RNF150: variants seen among roughly 807,000 people sequenced by gnomAD.
The protein encoded by RNF150 is ring finger protein 150.
A neutral mutation model predicts 39.3 loss-of-function variants in RNF150; 24 were observed. That is an observed-to-expected ratio of 0.61 (90% CI 0.44 to 0.86). The LOEUF is 0.86. RNF150 is among the 40% of genes least tolerant of loss of function. The probability of loss-of-function intolerance (pLI) is 0.00; values close to 1 mark genes in which losing one functional copy is unlikely to be tolerated. For synonymous variants in RNF150, 255 were observed against 227.3 expected, an observed-to-expected ratio of 1.12 and a Z score of -1.10; for missense variants, 502 against 587.8, an observed-to-expected ratio of 0.85 and a Z score of 1.51.
intron 1 of RNF150, among the ~76,000 whole-genome samples, chr4:141,062,234 CTTCT>C (rs895435392): frequency 7.9e-5 from 12 of 152,044 alleles, no homozygotes; most frequent in Admixed American, 2.0e-4. Context: ...ATTACTCTTC[CTTCT>C]GAGTCTTTGC....
intron 1 of RNF150, among the ~76,000 whole-genome samples, chr4:141,017,923 TC>T (rs1280408303): frequency 6.6e-6 from 1 of 152,176 alleles, no homozygotes; most frequent in African/African-American, 2.4e-5. Flanking sequence ...CATGGTTGCC[TC>T]CAAGTTTTGG....
rs1469407418 is a variant in RNF150 at position 140,863,118 on chromosome 4, C to G, written c.*5143G>C. The stretch of plus-strand genomic sequence containing the variant: ...TGGCCCTCAGATCACTTACGATGAG[C>G]AAGCACTTGTGCTAAGTAGTTAGGA... On this transcript the variant is annotated 3_prime_UTR_variant, in exon 7 of 7. Coordinates refer to ENST00000515673, the MANE Select transcript of RNF150 (RefSeq NM_020724.2). 1 of 152,182 alleles carries G rather than the reference C, an allele frequency of 6.6e-6. No individual in the cohort carries two copies. Among genetic ancestry groups the G allele is most frequent in the Non-Finnish European group, 1.5e-5 (1 of 68,050 alleles). 9.4% of individuals were successfully genotyped at this position (152,182 alleles called of 1,614,324 possible). A position where few individuals can be genotyped will look rare whatever the true frequency, so the allele number is the denominator to read the frequency against.
chr4:140,993,249 G>A (rs1414005432), intron 1 of RNF150, among the ~76,000 whole-genome samples: 2 of 152,112 alleles, frequency 1.3e-5, no homozygotes, highest in Non-Finnish European at 2.9e-5. Context: ...TGGCTTTTCC[G>A]GCTTCTAGAA....
At chr4:141,071,006 G>T (rs1209876095) in intron 1 of RNF150, among the ~76,000 whole-genome samples, 1 of 127,542 alleles carries the variant, frequency 7.8e-6, no homozygotes, top group Non-Finnish European at 1.7e-5. Flanking sequence ...TGATAGACTG[G>T]ATTAAGAAAA....
chr4:141,186,245 C>T (rs554529977), intron 1 of RNF150, among the ~76,000 whole-genome samples: 9 of 152,142 alleles, frequency 5.9e-5, no homozygotes, highest in Non-Finnish European at 1.2e-4. Context: ...CGACTTCTTC[C>T]TGGTTAATCT....
intron 1 of RNF150, among the ~76,000 whole-genome samples, chr4:141,091,994 T>A (rs2111010220): frequency 6.6e-6 from 1 of 152,248 alleles, no homozygotes; most frequent in East Asian, 1.9e-4. Context: ...TCTCAGTAGG[T>A]ATACTAAGCT....
rs1449091991 is a variant in RNF150, at chr4:140,935,313, T to C, written c.891-9240A>G. ...GAGGAATTGCAGGACCCTCATTTTA[T>C]AGTGTGTCTCACTCCTTGGGTTTCT... On this transcript the variant is annotated intron_variant, in intron 4 of 6. Transcript: ENST00000515673. Among the ~76,000 whole-genome samples, 7 of 151,992 alleles carry C rather than the reference T, an allele frequency of 4.6e-5. No individual in the cohort carries two copies. The East Asian group carries it at 9.7e-4, about 21-fold the overall frequency.
intron 1 of RNF150, among the ~76,000 whole-genome samples, chr4:141,144,291 A>G (rs749798929): frequency 9.2e-5 from 14 of 152,228 alleles, no homozygotes; most frequent in Non-Finnish European, 1.8e-4. Context: ...AACAGTCATT[A>G]TTCCAAAAAT....
intron 1 of RNF150, among the ~76,000 whole-genome samples, chr4:141,104,882 T>C (rs1421879204): frequency 6.6e-6 from 1 of 152,158 alleles, no homozygotes; most frequent in Non-Finnish European, 1.5e-5. Flanking sequence ...AACTCCCTCA[T>C]GGTGATGAGG....
intron 4 of RNF150, among the ~76,000 whole-genome samples, chr4:140,935,061 T>A (rs1351215728): frequency 1.8e-3 from 113 of 62,798 alleles, no homozygotes; most frequent in South Asian, 2.8e-3. Flanking sequence ...ATATATTATA[T>A]ATATATAATA....
chr4:141,046,121 A>T (rs1736565764), intron 1 of RNF150, among the ~76,000 whole-genome samples: 1 of 152,180 alleles, frequency 6.6e-6, no homozygotes, highest in Admixed American at 6.5e-5. Context: ...AATGTTTTAT[A>T]ATTATAGAAA....
chr4:140,999,441 C>A (rs1734494638), intron 1 of RNF150, among the ~76,000 whole-genome samples: 1 of 152,146 alleles, frequency 6.6e-6, no homozygotes, highest in Non-Finnish European at 1.5e-5. Context: ...GGTTTGAAGT[C>A]TTATCATCAA....
At chr4:140,982,236 C>T (rs963372156) in intron 1 of RNF150, among the ~76,000 whole-genome samples, 8 of 152,104 alleles carry the variant, frequency 5.3e-5, no homozygotes, top group East Asian at 1.9e-4. Flanking sequence ...CTTTTTCTCA[C>T]GACATATGAA....
intron 1 of RNF150, among the ~76,000 whole-genome samples, chr4:141,099,457 G>A (rs1259866474): frequency 6.6e-6 from 1 of 152,004 alleles, no homozygotes; most frequent in Non-Finnish European, 1.5e-5. Flanking sequence ...AGAAGCTGGG[G>A]GAAACAAAAT....
chr4:141,090,524 T>C (rs912197641), intron 1 of RNF150, among the ~76,000 whole-genome samples: 3 of 152,186 alleles, frequency 2.0e-5, no homozygotes, highest in African/African-American at 7.2e-5. Context: ...AAGCTTATCT[T>C]AGCAGCATAC....
At chr4:140,949,169 C>T (rs1732443855) in intron 3 of RNF150, 132 bp downstream of exon 3, 3 of 592,232 alleles carry the variant, frequency 5.1e-6, no homozygotes, top group South Asian at 6.3e-5. Flanking sequence ...AGTATAATAA[C>T]AGATACTGAT....
chr4:141,069,661 T>C (rs1295982375), intron 1 of RNF150, among the ~76,000 whole-genome samples: 1 of 151,308 alleles, frequency 6.6e-6, no homozygotes, highest in African/African-American at 2.4e-5. Flanking sequence ...GTACTTCTGG[T>C]AGAATTCGGC....
At chr4:141,008,532 TTTGA>T (rs1734952872) in intron 1 of RNF150, among the ~76,000 whole-genome samples, 2 of 152,362 alleles carry the variant, frequency 1.3e-5, no homozygotes, top group Non-Finnish European at 2.9e-5. Context: ...CTTCTAAAAG[TTTGA>T]TTGTTTTAGC....
intron 1 of RNF150, chr4:141,053,671 GA>G: frequency 7.2e-7 from 1 of 1,387,706 alleles, no homozygotes; most frequent in Non-Finnish European, 9.4e-7. Context: ...CATACCTGAG[GA>G]AAGGGAATAT....
Sources: allele counts gnomAD v4.1 joint callset (sites outside exome capture counted in the v4.1 genomes callset), GRCh38; gene constraint gnomAD v4.1.1; transcripts MANE v1.5; gene names NCBI Gene and HGNC (gene_info 2026-07-23, HGNC 2026-07-21).